Variants in CDH3 observed in about 807,000 individuals in gnomAD.
CDH3 encodes cadherin-3.
A neutral mutation model predicts 82.0 loss-of-function variants in CDH3; 54 were observed. The observed-to-expected ratio is 0.66, with a 90% CI of 0.53 to 0.83. CDH3 has a LOEUF of 0.83. Ranked by LOEUF, CDH3 falls within the 40% of genes least tolerant of loss-of-function variation. The pLI, the probability that CDH3 is intolerant of heterozygous loss-of-function variation, is 0.00. For synonymous variants in CDH3, 446 were observed against 437.9 expected, an observed-to-expected ratio of 1.02 and a Z score of -0.23; for missense variants, 1,054 against 1,084.6, an observed-to-expected ratio of 0.97 and a Z score of 0.40.
At chr16:68,654,710 A>AT (rs1567437477) in intron 2 of CDH3, among the ~76,000 whole-genome samples, 33 of 125,576 alleles carry the variant, frequency 2.6e-4, no homozygotes, top group Middle Eastern at 4.0e-3. Context: ...CTCAAAAAAA[A>AT]AAAATATATA....
intron 2 of CDH3, among the ~76,000 whole-genome samples, chr16:68,662,736 C>T (rs1465577392): frequency 6.6e-6 from 1 of 151,138 alleles, no homozygotes; most frequent in Non-Finnish European, 1.5e-5. Context: ...TTAGTAGAGA[C>T]GGAGTTTCAC....
intron 13 of CDH3, 77 bp downstream of exon 13, chr16:68,692,003 T>G (rs986499910): frequency 1.1e-5 from 13 of 1,220,398 alleles, no homozygotes; most frequent in African/African-American, 1.1e-4. Flanking sequence ...CTTTAACTCC[T>G]GGAACTAAGA....
At chr16:68,720,376 A>C (rs1962146839) in intron 1 of CDH3, among the ~76,000 whole-genome samples, 1 of 152,074 alleles carries the variant, frequency 6.6e-6, no homozygotes, top group Admixed American at 6.6e-5. Context: ...CTTAAAATCT[A>C]AAGTTTGTCA....
the CDH3 span, among the ~76,000 whole-genome samples, chr16:68,733,571 C>T: frequency 1.1e-3 from 171 of 152,184 alleles, 1 homozygote; most frequent in African/African-American, 3.8e-3. Context: ...GGCGAAATCC[C>T]GTCTCTACTA....
intron 6 of CDH3, 81 bp from the exon 7 acceptor site, chr16:68,679,718 A>AAT: frequency 1.3e-6 from 1 of 766,984 alleles, no homozygotes; most frequent in Non-Finnish European, 2.0e-6. Flanking sequence ...AAAAAAAAAA[A>AAT]GAAAAGAAAA....
At chr16:68,714,294 C>T (rs1367404382) in intron 1 of CDH3, among the ~76,000 whole-genome samples, 1 of 152,122 alleles carries the variant, frequency 6.6e-6, no homozygotes, top group Non-Finnish European at 1.5e-5. Flanking sequence ...CCTCTACCCT[C>T]ACCCCAGCAC....
chr16:68,689,234 C>T (rs931372647), intron 12 of CDH3, among the ~76,000 whole-genome samples: 3 of 152,156 alleles, frequency 2.0e-5, no homozygotes, highest in African/African-American at 7.2e-5. Context: ...GGGCCTGGCA[C>T]TTAGTAAGTG....
Position 68,691,827 on chromosome 16 carries a change from G to C in CDH3, c.1903G>C (p.Ala635Pro). The C allele has an allele frequency of 1.2e-6, 2 of 1,614,098 alleles. No individual in the cohort carries two copies. Among genetic ancestry groups the C allele is most frequent in the Non-Finnish European group, 1.7e-6 (2 of 1,179,996 alleles). Reference protein sequence around the residue: ...GNKEQLTVIRATVCDCHGHVE... With the variant: ...GNKEQLTVIRPTVCDCHGHVE... ...CAAAGAGCAGCTGACGGTGATCAGG[G>C]CCACTGTGTGCGACTGCCATGGCCA... The change falls in exon 13 of 16, where the codon GCC becomes CCC. Residue 635 changes from alanine to proline, a missense_variant. Transcript: ENST00000264012.
At chr16:68,657,907 T>C (rs1241952546) in intron 2 of CDH3, among the ~76,000 whole-genome samples, 1 of 152,166 alleles carries the variant, frequency 6.6e-6, no homozygotes, top group African/African-American at 2.4e-5. Context: ...TATTTTTGCT[T>C]GAGTTCTTAC....
rs377733669 is a variant in CDH3 at position 68,687,759 on chromosome 16, C to G, written c.1795+23C>G. 3 of 1,575,286 alleles carry G rather than the reference C, an allele frequency of 1.9e-6. No individual in the cohort carries two copies. The African/African-American group carries it at 4.0e-5, about 21-fold the overall frequency. ...AAGGTACCTGAGTGAGTGGTGGTAGCGGGTGGGGTGCCAGCCCCACTGGTG... is the reference window on the plus strand; with the variant it reads ...AAGGTACCTGAGTGAGTGGTGGTAGGGGGTGGGGTGCCAGCCCCACTGGTG... On this transcript the variant is annotated intron_variant, in intron 12 of 15. Transcript: ENST00000264012.
chr16:68,678,226 A>G lies in CDH3; in HGVS notation c.339A>G (p.Pro113=). The change falls in exon 4 of 16, where the codon CCA becomes CCG. Residue 113 remains proline, a synonymous_variant. Coordinates refer to ENST00000264012, the MANE Select transcript of CDH3 (RefSeq NM_001793.6). ...ACAAGAGAGATTGGGTGGTTGCTCC[A>G]ATATCTGTCCCTGAAAATGGCAAGG... ...RRHKRDWVVA[P]ISVPENGKGP... is the part of the protein sequence containing the mutation. 1.2e-6 allele frequency: 2 copies of G among 1,614,136 alleles called. No homozygotes were observed. Among genetic ancestry groups the G allele is most frequent in the Non-Finnish European group, 1.7e-6 (2 of 1,179,992 alleles).
intron 1 of CDH3, among the ~76,000 whole-genome samples, chr16:68,708,412 TC>T (rs1961989988): frequency 3.3e-5 from 1 of 30,450 alleles, no homozygotes; most frequent in South Asian, 9.4e-4. Flanking sequence ...TCACTCCAAA[TC>T]AAACCACGTT....
chr16:68,669,549 G>A (rs1204194446), intron 2 of CDH3, among the ~76,000 whole-genome samples: 1 of 150,714 alleles, frequency 6.6e-6, no homozygotes, highest in Non-Finnish European at 1.5e-5. Flanking sequence ...AGAGTGAGTT[G>A]TACACTCTAG....
At chr16:68,731,539 C>T (rs1374115689), downstream of CDH3, among the ~76,000 whole-genome samples, 8 of 94,480 alleles carry the variant, frequency 8.5e-5, 1 homozygote, top group African/African-American at 2.4e-4. Context: ...CACACACACA[C>T]ATATATATAT....
chr16:68,731,384 AAAAAAAAAAAAATAT>A (rs1401795056), downstream of CDH3, among the ~76,000 whole-genome samples: 5 of 26,554 alleles, frequency 1.9e-4, no homozygotes, highest in Non-Finnish European at 2.9e-4. Context: ...AAAAAAAAAA[AAAAAAAAAAAAATAT>A]ATATATATAT....
chr16:68,679,374 T>C (rs1212075517), intron 6 of CDH3, among the ~76,000 whole-genome samples: 2 of 152,138 alleles, frequency 1.3e-5, no homozygotes, highest in Admixed American at 1.3e-4. Context: ...CCACAGGGAA[T>C]GCAGCAAAGA....
At chr16:68,687,832 C>T in intron 12 of CDH3, 96 bp downstream of exon 12, 1 of 843,266 alleles carries the variant, frequency 1.2e-6, no homozygotes, top group Non-Finnish European at 2.0e-6. Context: ...ATCCTAGCAT[C>T]TTGTGGGCCA....
rs1306029888 is a variant in CDH3, at chr16:68,710,701, G to C, written c.100-11724G>C. ...TCTACTAAAAATACAAAAATTAGCC[G>C]AGTGTGGTGGCGGGCGCCTGTAATT... On this transcript the variant is annotated intron_variant, in intron 1 of 2. Coordinates refer to the CDH3 transcript ENST00000569080. Among the ~76,000 whole-genome samples, 3 of 151,306 alleles carry C rather than the reference G, an allele frequency of 2.0e-5. No individual in the cohort carries two copies. The Admixed American group carries it at 2.0e-4, about 10-fold the overall frequency.
chr16:68,714,870 A>G (rs113766824), intron 1 of CDH3, among the ~76,000 whole-genome samples: 17 of 152,270 alleles, frequency 1.1e-4, no homozygotes, highest in African/African-American at 4.1e-4. Flanking sequence ...TTAGCCAGGC[A>G]TGGTGGCCCG....
Sources: gnomAD v4.1 joint callset for allele counts (sites outside exome capture counted in the v4.1 genomes callset) on GRCh38, gnomAD v4.1.1 for gene constraint, MANE v1.5 for transcripts, NCBI Gene and HGNC (gene_info 2026-07-23, HGNC 2026-07-21) for gene names.